PTPRN2: variants seen among roughly 807,000 people sequenced by gnomAD.
PTPRN2 encodes receptor-type tyrosine-protein phosphatase N2.
In PTPRN2, 74 loss-of-function variants were observed where a neutral mutation model predicts 118.8. The observed-to-expected ratio is 0.62, with a 90% CI of 0.52 to 0.76. The LOEUF is 0.76. Ranked by LOEUF, PTPRN2 falls within the 30% of genes least tolerant of loss-of-function variation. The probability of loss-of-function intolerance (pLI) is 0.00; values close to 1 mark genes in which losing one functional copy is unlikely to be tolerated. For synonymous variants in PTPRN2, 641 were observed against 608.0 expected (o/e 1.05, Z -0.80); for missense variants, 1,481 against 1,394.4 (o/e 1.06, Z -0.99).
intron 3 of PTPRN2, among the ~76,000 whole-genome samples, chr7:158,295,016 C>G (rs551676605): frequency 7.3e-6 from 1 of 137,582 alleles, no homozygotes; most frequent in East Asian, 2.3e-4. Context: ...ACCTTCCACG[C>G]GCATGGTTCA....
chr7:157,826,160 CACA>C (rs1456640909), intron 12 of PTPRN2, among the ~76,000 whole-genome samples: 10 of 150,030 alleles, frequency 6.7e-5, no homozygotes, highest in South Asian at 4.3e-4. Context: ...CCACAATCAT[CACA>C]ACGAGCGCCA....
chr7:157,589,593 C>T (rs1028254495), intron 17 of PTPRN2, among the ~76,000 whole-genome samples: 11 of 152,176 alleles, frequency 7.2e-5, no homozygotes, highest in African/African-American at 2.4e-4. Context: ...TTGACAGCAA[C>T]CAGAGCTCAA....
chr7:157,913,893 T>C (rs1278560937), intron 11 of PTPRN2, among the ~76,000 whole-genome samples: 1 of 152,212 alleles, frequency 6.6e-6, no homozygotes, highest in African/African-American at 2.4e-5. Context: ...TGCATGTGTT[T>C]GGATGTATGG....
At chr7:157,902,521 T>C (rs10281282) in intron 11 of PTPRN2, among the ~76,000 whole-genome samples, 37,242 of 59,282 alleles carry the variant, frequency 0.63, 11,765 homozygotes, top group Admixed American at 0.7. Context: ...ACCAGCCCCG[T>C]GGTGGCCTGG....
rs1798575397 is a variant in PTPRN2, at chr7:157,710,777, CCGG to C, written c.1789-27843_1789-27841del. ...AGCCCGCCCATGTGCAGGAGGGGTT[CCGG>C]GGCAGCCGGGTTACACGCGAGAGCC... On this transcript the variant is annotated intron_variant, in intron 12 of 22. Transcript: ENST00000389418. 8.0e-5 allele frequency among the ~76,000 whole-genome samples: 2 copies of C among 25,112 alleles called. 1 individual carries two copies. The highest frequency in any genetic ancestry group is 1.5e-4 in the African/African-American group (2 of 13,286). The allele number at this position is 25,112 out of a possible 152,430, so 16.5% of individuals were successfully genotyped here. A position where few individuals can be genotyped will look rare whatever the true frequency, so the allele number is the denominator to read the frequency against.
At position 158,326,502 on chromosome 7, in the gene PTPRN2, GCACA is replaced by G. The variant is rs529640782; in HGVS notation, c.164-9574_164-9571del. On this transcript the variant is annotated intron_variant, in intron 2 of 22. Transcript: ENST00000389418. The stretch of plus-strand genomic sequence containing the variant: ...CCACATACACAGACATTCACAGCAT[GCACA>G]CACAATGTATGCAGACACATGCACA... Among the ~76,000 whole-genome samples the G allele has an allele frequency of 5.1e-3, 782 of 152,342 alleles. 8 individuals are homozygous for G. Among genetic ancestry groups the G allele is most frequent in the Non-Finnish European group, 5.6e-3 (381 of 68,028 alleles).
chr7:157,607,326 G>A (rs558925502), intron 15 of PTPRN2, among the ~76,000 whole-genome samples: 36 of 152,360 alleles, frequency 2.4e-4, no homozygotes, highest in African/African-American at 7.5e-4. Context: ...GGCTGGGCCC[G>A]GTGCTGCAGC....
At chr7:158,074,535 G>C (rs1192911167) in intron 11 of PTPRN2, among the ~76,000 whole-genome samples, 1 of 152,150 alleles carries the variant, frequency 6.6e-6, no homozygotes, top group Admixed American at 6.5e-5. Flanking sequence ...GTTTATCTAG[G>C]CTGCTCCCAA....
chr7:157,696,291 A>G (rs76336095), intron 12 of PTPRN2, among the ~76,000 whole-genome samples: 10 of 92,724 alleles, frequency 1.1e-4, no homozygotes, highest in South Asian at 4.3e-4. Context: ...ACTGGATCTT[A>G]GTAGAGCCCT....
intron 11 of PTPRN2, among the ~76,000 whole-genome samples, chr7:157,921,934 G>A (rs1416372180): frequency 2.0e-5 from 3 of 152,156 alleles, no homozygotes; most frequent in Admixed American, 1.3e-4. Context: ...TGGGAGCAAT[G>A]GAGAGACGGG....
At chr7:157,712,487 A>G (rs191982596) in intron 12 of PTPRN2, among the ~76,000 whole-genome samples, 1 of 152,166 alleles carries the variant, frequency 6.6e-6, no homozygotes, top group Non-Finnish European at 1.5e-5. Context: ...AGGGTGGCTC[A>G]CGCCTGTAAT....
At chr7:157,798,836 G>A (rs950097078) in intron 12 of PTPRN2, among the ~76,000 whole-genome samples, 10 of 150,584 alleles carry the variant, frequency 6.6e-5, no homozygotes, top group Non-Finnish European at 1.5e-4. Context: ...GTGGGGTGGG[G>A]CAGGGTGGGC....
intron 2 of PTPRN2, among the ~76,000 whole-genome samples, chr7:158,425,824 C>G (rs1248435325): frequency 4.0e-4 from 5 of 12,388 alleles, no homozygotes; most frequent in South Asian, 2.3e-3. Flanking sequence ...GGGTCCGAGA[C>G]CAGCCTAGCT....
chr7:157,547,833 C>A (rs115114023), intron 22 of PTPRN2, among the ~76,000 whole-genome samples: 1 of 152,184 alleles, frequency 6.6e-6, no homozygotes, highest in Admixed American at 6.5e-5. Context: ...AGAGCAAGGC[C>A]GCTGGCGCTC....
rs998329356 is a variant in PTPRN2 at position 157,974,845 on chromosome 7, C to T, written c.1724-76108G>A. Among the ~76,000 whole-genome samples, 3 of 152,008 alleles carry T rather than the reference C, an allele frequency of 2.0e-5. No homozygotes were observed. Among genetic ancestry groups the T allele is most frequent in the African/African-American group, 7.3e-5 (3 of 41,378 alleles). On this transcript the variant is annotated intron_variant, in intron 11 of 22. Coordinates refer to ENST00000389418, the MANE Select transcript of PTPRN2 (RefSeq NM_002847.5). This position sits in a 1 kb window ranked among gnomAD's most constrained non-coding sequence, Gnocchi z 4.0. ...GTCTGTGGGTGAAGAGCTGTGCGGG[C>T]GGGCACTGAGAAGAGGTGCCCACGT...
rs914627976 is a variant in PTPRN2, at chr7:158,401,883, C to T, written c.164-84951G>A. On this transcript the variant is annotated intron_variant, in intron 2 of 22. Transcript: ENST00000389418. ...AAACGAGAGCAGGGGTGCCTGAATC[C>T]ATAGAGATGTCCACACTGCCGCCCA... Among the ~76,000 whole-genome samples, 3 of 152,216 alleles carry T rather than the reference C, an allele frequency of 2.0e-5. No homozygotes were observed. The South Asian group carries it at 6.2e-4, about 32-fold the overall frequency.
rs1305247951 is a variant in PTPRN2, at chr7:157,763,668, C to T, written c.1789-80731G>A. On this transcript the variant is annotated intron_variant, in intron 12 of 22. Coordinates refer to ENST00000389418, the MANE Select transcript of PTPRN2 (RefSeq NM_002847.5). This position sits in a 1 kb window ranked among gnomAD's most constrained non-coding sequence, Gnocchi z 4.9. ...AGCCTGCCTCACTGCTTGGTTTCCT[C>T]TTCATTCGGAATTAATTCCTCCCTT... Among the ~76,000 whole-genome samples, 1 of 152,086 alleles carries T rather than the reference C, an allele frequency of 6.6e-6. No individual in the cohort carries two copies. Among genetic ancestry groups the T allele is most frequent in the East Asian group, 1.9e-4 (1 of 5,152 alleles).
In PTPRN2 at chr7:158,327,306, CACAT is replaced by C. The variant is rs1475408994; in HGVS notation, c.164-10378_164-10375del. On this transcript the variant is annotated intron_variant, in intron 2 of 22. Coordinates refer to ENST00000389418, the MANE Select transcript of PTPRN2 (RefSeq NM_002847.5). The stretch of plus-strand genomic sequence containing the variant: ...ATGCTCACACATGTACACATTCTCA[CACAT>C]ACACATTCTCACATGCACACACGTG... Among the ~76,000 whole-genome samples the C allele has an allele frequency of 2.5e-3, 177 of 70,118 alleles. 1 individual carries two copies. The highest frequency in any genetic ancestry group is 5.9e-3 in the African/African-American group (166 of 28,340). 46.0% of individuals were successfully genotyped at this position (70,118 alleles called of 152,430 possible).
intron 11 of PTPRN2, among the ~76,000 whole-genome samples, chr7:157,945,440 A>T (rs1254414013): frequency 6.6e-6 from 1 of 151,722 alleles, no homozygotes; most frequent in African/African-American, 2.4e-5. Context: ...AAATCAATGT[A>T]TCTTTCCCCG....
Sources: gnomAD v4.1 joint callset for allele counts (sites outside exome capture counted in the v4.1 genomes callset) on GRCh38, gnomAD v4.1.1 for gene constraint, Gnocchi (gnomAD v3.1) non-coding constraint, MANE v1.5 for transcripts, NCBI Gene and HGNC (gene_info 2026-07-23, HGNC 2026-07-21) for gene names.